The following CCDC138 variants were observed in gnomAD, a reference collection of about 807,000 sequenced individuals.
CCDC138 encodes coiled-coil domain-containing protein 138.
A neutral mutation model predicts 82.3 loss-of-function variants in CCDC138; 66 were observed. That is an observed-to-expected ratio of 0.80 (90% CI 0.66 to 0.98). The LOEUF (loss-of-function observed/expected upper bound fraction) is 0.98. CCDC138 is among the 50% of genes least tolerant of loss of function. The pLI is 0.00. For missense variants in CCDC138, 816 were observed against 758.9 expected (o/e 1.08, Z -0.88); for synonymous variants, 297 against 265.4 (o/e 1.12, Z -1.16).
intron 11 of CCDC138, among the ~76,000 whole-genome samples, chr2:108,845,318 T>G (rs996835765): frequency 2.0e-5 from 3 of 152,164 alleles, no homozygotes; most frequent in African/African-American, 7.2e-5. Flanking sequence ...TTGTCACCTG[T>G]AAAACCTCAA....
At chr2:108,872,043 G>A (rs1354849438) in intron 13 of CCDC138, among the ~76,000 whole-genome samples, 1 of 152,080 alleles carries the variant, frequency 6.6e-6, no homozygotes, top group Non-Finnish European at 1.5e-5. Context: ...ATTTAAAGAG[G>A]TACTTCATGT....
chr2:108,877,303 A>C (rs1267908276), downstream of CCDC138, among the ~76,000 whole-genome samples: 1 of 62,148 alleles, frequency 1.6e-5, no homozygotes, highest in Non-Finnish European at 5.0e-5. Flanking sequence ...CCCCGTCTCT[A>C]CAAAAAAAAA....
intron 12 of CCDC138, among the ~76,000 whole-genome samples, chr2:108,855,698 T>G (rs1332787702): frequency 6.6e-6 from 1 of 152,214 alleles, no homozygotes; most frequent in Admixed American, 6.5e-5. Context: ...TCTTACTTTC[T>G]CAAAATAGTT....
At chr2:108,837,712 G>A (rs1459717348) in intron 10 of CCDC138, among the ~76,000 whole-genome samples, 1 of 152,062 alleles carries the variant, frequency 6.6e-6, no homozygotes, top group Non-Finnish European at 1.5e-5. Flanking sequence ...AAACAACCAT[G>A]TTACTGGTTT....
At chr2:108,807,080 A>G (rs1037968545) in intron 7 of CCDC138, among the ~76,000 whole-genome samples, 1 of 152,226 alleles carries the variant, frequency 6.6e-6, no homozygotes, top group Non-Finnish European at 1.5e-5. Flanking sequence ...ATTCTATACA[A>G]AATTAATAAG....
chr2:108,798,547 TGAA>T lies in CCDC138; in HGVS notation c.702_704del (p.Glu235del), dbSNP rs1375765342. The T allele has an allele frequency of 1.2e-6, 2 of 1,613,538 alleles. No individual in the cohort carries two copies. Among genetic ancestry groups the T allele is most frequent in the Non-Finnish European group, 1.7e-6 (2 of 1,179,704 alleles). On this transcript the variant is annotated inframe_deletion, in exon 6 of 15. Coordinates refer to ENST00000295124, the MANE Select transcript of CCDC138 (RefSeq NM_144978.3). ...ATGCCTTGAGTAAAATTAAAGGTGT[TGAA>T]GAAGAGGTTCTTACAAGATTTCAAA...
intron 12 of CCDC138, among the ~76,000 whole-genome samples, chr2:108,848,299 GCTCT>G (rs949971809): frequency 4.6e-5 from 7 of 152,140 alleles, no homozygotes; most frequent in African/African-American, 1.7e-4. Context: ...GGAATTAGGT[GCTCT>G]CTGTCACCAC....
chr2:108,828,419 AAGTT>A (rs1442981823), intron 10 of CCDC138, among the ~76,000 whole-genome samples: 3 of 152,200 alleles, frequency 2.0e-5, no homozygotes, highest in Admixed American at 1.3e-4. Context: ...AAAAAGAACA[AAGTT>A]AGAGAGAGCT....
At chr2:108,788,190 A>C in intron 2 of CCDC138, 101 bp downstream of exon 2, 1 of 1,148,148 alleles carries the variant, frequency 8.7e-7, no homozygotes, top group South Asian at 1.4e-5. Flanking sequence ...AGGCCGAGGC[A>C]GGCGAATCAC....
intron 7 of CCDC138, among the ~76,000 whole-genome samples, chr2:108,811,100 C>CT (rs55966487): frequency 0.024 from 3,575 of 149,412 alleles, 90 homozygotes; most frequent in South Asian, 0.088. Flanking sequence ...TTTTTCTTTT[C>CT]TTTTTTTTTT....
At chr2:108,835,336 T>C (rs1376833264) in intron 10 of CCDC138, among the ~76,000 whole-genome samples, 1 of 152,172 alleles carries the variant, frequency 6.6e-6, no homozygotes, top group Non-Finnish European at 1.5e-5. Flanking sequence ...CAGAAAATAT[T>C]CATCTCAGCC....
At chr2:108,876,772 C>T (rs1469138077), downstream of CCDC138, among the ~76,000 whole-genome samples, 1 of 151,526 alleles carries the variant, frequency 6.6e-6, no homozygotes, top group African/African-American at 2.4e-5. Context: ...TTATGCTGTT[C>T]ACAGGTTTAA....
chr2:108,839,339 C>G lies in CCDC138; in HGVS notation c.1323+38C>G, dbSNP rs780213199. On this transcript the variant is annotated intron_variant, in intron 11 of 14. Transcript: ENST00000295124. ...TAGGAATTTATCTATAAGTAATACT[C>G]CACCTAATATTACTTCTTGATCTTG... The G allele has an allele frequency of 2.0e-6, 3 of 1,503,952 alleles. No individual in the cohort carries two copies. The East Asian group carries it at 6.8e-5, about 34-fold the overall frequency. The allele number at this position is 1,503,952 out of a possible 1,614,324, so 93.2% of individuals were successfully genotyped here.
intron 10 of CCDC138, among the ~76,000 whole-genome samples, chr2:108,816,793 C>T (rs1684877649): frequency 6.6e-6 from 1 of 152,110 alleles, no homozygotes; most frequent in Non-Finnish European, 1.5e-5. Flanking sequence ...AACTCCTAGC[C>T]TCAAGTAGTC....
chr2:108,856,734 G>A (rs1692661585), intron 12 of CCDC138, 60 bp from the exon 13 acceptor site: 2 of 1,509,530 alleles, frequency 1.3e-6, no homozygotes, highest in Admixed American at 4.4e-5. Context: ...TTTACCTTCT[G>A]TTTCTGATTG....
chr2:108,800,608 C>CTTTTTTTTTTTTT (rs67529329), intron 6 of CCDC138, among the ~76,000 whole-genome samples: 1 of 33,492 alleles, frequency 3.0e-5, no homozygotes, highest in Non-Finnish European at 4.8e-5. Context: ...CTCAGTTTAG[C>CTTTTTTTTTTTTT]TTTTTTTTTT....
chr2:108,873,534 G>C lies in CCDC138; in HGVS notation c.1777G>C (p.Asp593His), dbSNP rs754632910. Residue 593 changes from aspartate to histidine, a missense_variant, in exon 14 of 15, where the codon GAT (aspartate) becomes CAT (histidine). Coordinates refer to ENST00000295124, the MANE Select transcript of CCDC138 (RefSeq NM_144978.3). The part of the protein sequence containing the change: ...CSVLLRAPKL[D>H]LQILEKLSII... The stretch of plus-strand genomic sequence containing the variant: ...TGTGCTGCTTCGAGCCCCTAAGCTT[G>C]ATCTTCAAATACTAGAAAAACTCAG... 6.2e-6 allele frequency: 10 copies of C among 1,611,820 alleles called. No individual in the cohort carries two copies. The East Asian group carries it at 2.0e-4, about 32-fold the overall frequency.
intron 4 of CCDC138, among the ~76,000 whole-genome samples, chr2:108,793,939 A>G (rs768728753): frequency 2.6e-5 from 4 of 152,084 alleles, no homozygotes; most frequent in Non-Finnish European, 4.4e-5. Context: ...ACCAGAAGCC[A>G]CGTACGAGAC....
intron 13 of CCDC138, among the ~76,000 whole-genome samples, chr2:108,861,084 T>C: frequency 6.6e-6 from 1 of 151,698 alleles, no homozygotes; most frequent in Non-Finnish European, 1.5e-5. Flanking sequence ...ATCCATTTCC[T>C]CTAGATTTTC....
Sources: allele counts gnomAD v4.1 joint callset (sites outside exome capture counted in the v4.1 genomes callset), GRCh38; gene constraint gnomAD v4.1.1; transcripts MANE v1.5; gene names NCBI Gene and HGNC (gene_info 2026-07-23, HGNC 2026-07-21).